The following NT5DC3 variants were observed in gnomAD, a reference collection of about 807,000 sequenced individuals.
NT5DC3 encodes 5'-nucleotidase domain-containing protein 3.
NT5DC3 carries 42 observed loss-of-function variants against 67.8 expected under a neutral mutation model. That is an observed-to-expected ratio of 0.62 (90% CI 0.48 to 0.80). The LOEUF is 0.80. Among genes scored for constraint, NT5DC3 ranks in the 30% least tolerant of loss-of-function variants. The probability of loss-of-function intolerance (pLI) is 0.00; values close to 1 mark genes in which losing one functional copy is unlikely to be tolerated. For missense variants in NT5DC3, 570 were observed against 696.4 expected (o/e 0.82, Z 2.04); for synonymous variants, 237 against 255.6 (o/e 0.93, Z 0.69).
chr12:103,757,896 G>A, the NT5DC3 span: 2 of 451,140 alleles, frequency 4.4e-6, no homozygotes, highest in African/African-American at 3.9e-5. Flanking sequence ...GAGAAGACTC[G>A]AGATTTGATG....
chr12:103,797,235 C>A lies in NT5DC3; in HGVS notation c.616-204G>T, dbSNP rs145250263. Among the ~76,000 whole-genome samples the A allele has an allele frequency of 4.0e-3, 611 of 152,168 alleles. 3 individuals are homozygous for A. The highest frequency in any genetic ancestry group is 0.012 in the South Asian group (59 of 4,804). ...CTGTAATCCCAGCACTTTGGGAGGC[C>A]AAGGCAGGTGGATCAGCTGAGGTCA... On this transcript the variant is annotated intron_variant, in intron 5 of 13. Coordinates refer to ENST00000392876, the MANE Select transcript of NT5DC3 (RefSeq NM_001031701.3).
At position 103,806,346 on chromosome 12, in the gene NT5DC3, T is replaced by C; in HGVS notation, c.500A>G (p.Tyr167Cys). Reference protein sequence around the residue: ...AVLMKIDAFHYIQLGTVYRGL... With the variant: ...AVLMKIDAFHCIQLGTVYRGL... ...CCTGTAGACAGTTCCCAGCTGGATA[T>C]AATGAAAAGCATCGATCTTCATTAA... Residue 167 changes from tyrosine (Y) to cysteine (C), a missense_variant, in exon 4 of 14, where the codon TAT becomes TGT. Around this residue, in one of 2 missense-constraint regions of NT5DC3, gnomAD observed 466 missense variants for 608.0 expected, o/e 0.77. Transcript: ENST00000392876. 1 of 1,605,058 alleles carries C rather than the reference T, an allele frequency of 6.2e-7. No homozygotes were observed. Among genetic ancestry groups the C allele is most frequent in the Non-Finnish European group, 8.5e-7 (1 of 1,171,750 alleles).
chr12:103,793,849 G>A, intron 7 of NT5DC3, 88 bp downstream of exon 7: 3 of 1,073,324 alleles, frequency 2.8e-6, no homozygotes, highest in Non-Finnish European at 4.3e-6. Flanking sequence ...CCTCTGCTTA[G>A]CACCTGGAAT....
chr12:103,831,630 T>C (rs1296749012), intron 1 of NT5DC3, among the ~76,000 whole-genome samples: 2 of 152,138 alleles, frequency 1.3e-5, no homozygotes, highest in African/African-American at 2.4e-5. Flanking sequence ...CCAGGTTTTA[T>C]AGGAGAGTCT....
chr12:103,822,677 G>A (rs891083315), intron 1 of NT5DC3, among the ~76,000 whole-genome samples: 2 of 152,214 alleles, frequency 1.3e-5, no homozygotes, highest in East Asian at 1.9e-4. Flanking sequence ...CTGTAATAAC[G>A]GAATCTGGTG....
At chr12:103,780,494 A>AG in intron 12 of NT5DC3, 130 bp from the exon 13 acceptor site, 2 of 753,738 alleles carry the variant, frequency 2.7e-6, no homozygotes, top group Non-Finnish European at 4.6e-6. Context: ...CTGGCACCTG[A>AG]ATGAAATAAT....
the NT5DC3 span, chr12:103,763,736 G>C: frequency 1.1e-6 from 1 of 911,448 alleles, no homozygotes; most frequent in Non-Finnish European, 1.7e-6. Context: ...CAGGTAACAA[G>C]CCTAAAAGCC....
chr12:103,788,716 AG>A (rs1233215511), intron 10 of NT5DC3, 121 bp downstream of exon 10: 3 of 673,642 alleles, frequency 4.5e-6, no homozygotes, highest in Non-Finnish European at 8.2e-6. Context: ...ATAATCAATC[AG>A]TTCATGGGAA....
At chr12:103,778,220 C>T in intron 13 of NT5DC3, 139 bp from the exon 14 acceptor site, 1 of 907,596 alleles carries the variant, frequency 1.1e-6, no homozygotes, top group Non-Finnish European at 1.6e-6. Context: ...CTAGAGCAGC[C>T]CCAAATATTA....
At chr12:103,801,400 T>TTTTTTTTTTG (rs1886572668) in intron 4 of NT5DC3, among the ~76,000 whole-genome samples, 1 of 116,792 alleles carries the variant, frequency 8.6e-6, no homozygotes, top group African/African-American at 3.2e-5. Context: ...TTTTTTTTTT[T>TTTTTTTTTTG]GAGACGGAGT....
At chr12:103,832,454 C>G (rs1200825513) in intron 1 of NT5DC3, among the ~76,000 whole-genome samples, 1 of 152,074 alleles carries the variant, frequency 6.6e-6, no homozygotes, top group Non-Finnish European at 1.5e-5. Flanking sequence ...TTGAGGACCA[C>G]TGAATTCTTT....
downstream of NT5DC3, chr12:103,766,405 CA>C: frequency 6.5e-7 from 1 of 1,537,936 alleles, no homozygotes; most frequent in Non-Finnish European, 8.8e-7. Context: ...TTCTCAGCAC[CA>C]GTTGCCTTTT....
At chr12:103,756,857 G>A in the NT5DC3 span, among the ~76,000 whole-genome samples, 1 of 152,052 alleles carries the variant, frequency 6.6e-6, no homozygotes, top group South Asian at 2.1e-4. Context: ...ATACACTAGA[G>A]ATGAACACCC....
chr12:103,826,627 CAG>C (rs1410791590), intron 1 of NT5DC3, among the ~76,000 whole-genome samples: 1 of 152,226 alleles, frequency 6.6e-6, no homozygotes, highest in African/African-American at 2.4e-5. Flanking sequence ...AGATCTATGT[CAG>C]ACTTTTAACT....
chr12:103,758,142 C>T, the NT5DC3 span: 1 of 1,613,570 alleles, frequency 6.2e-7, no homozygotes, highest in Non-Finnish European at 8.5e-7. Flanking sequence ...AGGGCTGGCC[C>T]CTCTGATGAC....
intron 1 of NT5DC3, among the ~76,000 whole-genome samples, chr12:103,837,016 G>A (rs1888178429): frequency 1.3e-5 from 2 of 152,222 alleles, no homozygotes; most frequent in African/African-American, 4.8e-5. Flanking sequence ...AGTTCTACAT[G>A]AGGGCCCCGT....
At chr12:103,838,447 T>C (rs1463939620) in intron 1 of NT5DC3, among the ~76,000 whole-genome samples, 1 of 152,202 alleles carries the variant, frequency 6.6e-6, no homozygotes, top group African/African-American at 2.4e-5. Flanking sequence ...CTCAAGCCTA[T>C]TTTGACCTCC....
At chr12:103,766,984 G>C (rs11111757), downstream of NT5DC3, 39,798 of 152,202 alleles carry the variant, frequency 0.26, 5,857 homozygotes, top group South Asian at 0.47. Context: ...TTGCTGGTGG[G>C]AATCCAAAAT....
chr12:103,798,583 T>C lies in NT5DC3; in HGVS notation c.615+4A>G. 1.9e-6 allele frequency: 3 copies of C among 1,605,786 alleles called. No individual in the cohort carries two copies. Among genetic ancestry groups the C allele is most frequent in the South Asian group, 2.2e-5 (2 of 90,884 alleles). On this transcript the variant is annotated splice_donor_region_variant and intron_variant, in intron 5 of 13. Transcript: ENST00000392876. ...CTTTAAATGAATAAAGTGCTTCTCA[T>C]TACCTTTCCGTAAAAGTCACTCATC...
Sources: allele counts gnomAD v4.1 joint callset (sites outside exome capture counted in the v4.1 genomes callset), GRCh38; gene constraint gnomAD v4.1.1; regional missense constraint gnomAD v4.1.1; transcripts MANE v1.5; gene names NCBI Gene and HGNC (gene_info 2026-07-23, HGNC 2026-07-21).